Variants in DLG1 observed in about 807,000 individuals in gnomAD.
DLG1 encodes the protein discs large MAGUK scaffold protein 1.
In DLG1, 42 loss-of-function variants were observed where a neutral mutation model predicts 123.4. The observed-to-expected ratio is 0.34, with a 90% CI of 0.27 to 0.44. DLG1 has a LOEUF of 0.44. DLG1 is among the 20% of genes least tolerant of loss of function. The pLI, the probability that DLG1 is intolerant of heterozygous loss-of-function variation, is 1.00. For missense variants in DLG1, 942 were observed against 1,082.6 expected, an observed-to-expected ratio of 0.87 and a Z score of 1.82; for synonymous variants, 317 against 356.2, an observed-to-expected ratio of 0.89 and a Z score of 1.24.
chr3:197,270,378 A>AG (rs1382793702), intron 4 of DLG1, among the ~76,000 whole-genome samples: 9 of 152,210 alleles, frequency 5.9e-5, no homozygotes, highest in African/African-American at 2.2e-4. Flanking sequence ...ATCAAGAAAA[A>AG]GGGGGAACTT....
At chr3:197,229,943 A>AT (rs1742028406) in intron 4 of DLG1, among the ~76,000 whole-genome samples, 1 of 152,210 alleles carries the variant, frequency 6.6e-6, no homozygotes, top group Non-Finnish European at 1.5e-5. Context: ...GAGTCACATA[A>AT]TTTATCCATG....
At chr3:197,294,413 G>A (rs890998176) in intron 3 of DLG1, among the ~76,000 whole-genome samples, 12 of 152,096 alleles carry the variant, frequency 7.9e-5, no homozygotes, top group African/African-American at 1.4e-4. Context: ...TTGGGAGGCC[G>A]AGGTGGGTGG....
At chr3:197,081,988 A>G (rs1289441421) in intron 16 of DLG1, among the ~76,000 whole-genome samples, 1 of 152,256 alleles carries the variant, frequency 6.6e-6, no homozygotes, top group East Asian at 1.9e-4. Context: ...TACCAAAACA[A>G]GACTATGAAT....
chr3:197,291,929 A>T (rs1453097442), intron 3 of DLG1, among the ~76,000 whole-genome samples: 1 of 152,206 alleles, frequency 6.6e-6, no homozygotes, highest in Non-Finnish European at 1.5e-5. Context: ...ACTCACACTT[A>T]TTAGGATGGC....
chr3:197,102,126 T>C (rs1450940150), intron 14 of DLG1, among the ~76,000 whole-genome samples: 5 of 152,212 alleles, frequency 3.3e-5, no homozygotes. Flanking sequence ...TCCTTGCCTT[T>C]GGAATTAATA....
At chr3:197,127,248 C>G (rs1249825353) in intron 11 of DLG1, among the ~76,000 whole-genome samples, 1 of 150,442 alleles carries the variant, frequency 6.6e-6, no homozygotes, top group Non-Finnish European at 1.5e-5. Context: ...CATGGCGAAA[C>G]CCCGTCTCTA....
At chr3:197,092,012 T>G (rs1174737298) in intron 14 of DLG1, among the ~76,000 whole-genome samples, 3 of 152,146 alleles carry the variant, frequency 2.0e-5, no homozygotes, top group Non-Finnish European at 4.4e-5. Context: ...ACATTTAAAA[T>G]TCCACATTAA....
chr3:197,084,777 G>GATAGAC (rs1553900932), intron 16 of DLG1, among the ~76,000 whole-genome samples: 15 of 150,794 alleles, frequency 9.9e-5, no homozygotes, highest in African/African-American at 3.7e-4. Context: ...TATATATATA[G>GATAGAC]ATAGATATAG....
intron 22 of DLG1, among the ~76,000 whole-genome samples, chr3:197,060,892 C>G (rs1237884238): frequency 1.3e-5 from 2 of 152,334 alleles, no homozygotes. Flanking sequence ...GTGGCATGAT[C>G]TCGGCTTACT....
At chr3:197,197,023 TA>T (rs1339489564) in intron 4 of DLG1, among the ~76,000 whole-genome samples, 1 of 152,184 alleles carries the variant, frequency 6.6e-6, no homozygotes, top group Admixed American at 6.5e-5. Flanking sequence ...TTGAAAGAAA[TA>T]ATTTTAAAAC....
chr3:197,080,465 T>TTTTC (rs1415907760), intron 17 of DLG1: 1 of 146,366 alleles, frequency 6.8e-6, no homozygotes, highest in East Asian at 2.0e-4. Context: ...TTTTTTTTTT[T>TTTTC]TTTTTTTTTT....
intron 13 of DLG1, among the ~76,000 whole-genome samples, chr3:197,105,862 T>C (rs2149317957): frequency 6.6e-6 from 1 of 152,262 alleles, no homozygotes; most frequent in Non-Finnish European, 1.5e-5. Context: ...GAATAGAATA[T>C]GGCAATGTTC....
rs539589314 is a variant in DLG1, at chr3:197,139,227, G to T, written c.714-836C>A. Among the ~76,000 whole-genome samples, 35 of 152,152 alleles carry T rather than the reference G, an allele frequency of 2.3e-4. 1 individual carries two copies. The South Asian group carries it at 6.8e-3, about 30-fold the overall frequency. ...GGTCATCTCAAATTGGGTAGAGAGG[G>T]TAAACAAAACATAATTAAAATATTA... On this transcript the variant is annotated intron_variant, in intron 8 of 24. Transcript: ENST00000667157.
chr3:197,092,033 T>C (rs192362174), intron 14 of DLG1, among the ~76,000 whole-genome samples: 1 of 152,272 alleles, frequency 6.6e-6, no homozygotes, highest in Admixed American at 6.5e-5. Flanking sequence ...TAATAAAATA[T>C]TTTACTATCC....
At chr3:197,104,565 C>T (rs1765284394) in intron 14 of DLG1, among the ~76,000 whole-genome samples, 1 of 152,002 alleles carries the variant, frequency 6.6e-6, no homozygotes, top group Non-Finnish European at 1.5e-5. Flanking sequence ...GCCTGTAATC[C>T]CAGTTACTTG....
chr3:197,057,945 G>A (rs1367340444), intron 23 of DLG1, among the ~76,000 whole-genome samples: 1 of 151,326 alleles, frequency 6.6e-6, no homozygotes, highest in Non-Finnish European at 1.5e-5. Context: ...TTTCTGCTCT[G>A]CCATATTTTT....
chr3:197,295,565 C>CA (rs1187168926), intron 3 of DLG1, among the ~76,000 whole-genome samples: 2 of 151,520 alleles, frequency 1.3e-5, no homozygotes, highest in Non-Finnish European at 2.9e-5. Context: ...GGTACCTGGA[C>CA]AAAAGAGCCA....
chr3:197,221,101 A>G (rs1268166542), intron 4 of DLG1, among the ~76,000 whole-genome samples: 2 of 152,220 alleles, frequency 1.3e-5, no homozygotes, highest in Non-Finnish European at 2.9e-5. Flanking sequence ...GAAACCTTAC[A>G]TACCACATAC....
Position 197,139,414 on chromosome 3 carries a change from G to A in DLG1, c.713+726C>T, listed in dbSNP as rs567374735. Among the ~76,000 whole-genome samples, 238 of 152,174 alleles carry A rather than the reference G, an allele frequency of 1.6e-3. 1 individual carries two copies. Among genetic ancestry groups the A allele is most frequent in the South Asian group, 2.3e-3 (11 of 4,826 alleles). On this transcript the variant is annotated intron_variant, in intron 8 of 24. Coordinates refer to ENST00000667157, the MANE Select transcript of DLG1 (RefSeq NM_001366207.1). ...TAAAGCTTAGAAATTCAAAAACTGC[G>A]TAAGGCATCAACGTCCTTAAAATAA...
Sources: gnomAD v4.1 joint callset for allele counts (sites outside exome capture counted in the v4.1 genomes callset) on GRCh38, gnomAD v4.1.1 for gene constraint, MANE v1.5 for transcripts, NCBI Gene and HGNC (gene_info 2026-07-23, HGNC 2026-07-21) for gene names.